Variants in ATP8B4 observed in about 807,000 individuals in gnomAD.
ATP8B4 encodes ATPase phospholipid transporting 8B4 (putative), also known as probable phospholipid-transporting ATPase IM.
A neutral mutation model predicts 145.6 loss-of-function variants in ATP8B4; 133 were observed. That is an observed-to-expected ratio of 0.91 (90% CI 0.79 to 1.05). The LOEUF (loss-of-function observed/expected upper bound fraction) is 1.05, where lower values mean the gene tolerates loss of function less well. ATP8B4 is among the 50% of genes least tolerant of loss of function. ATP8B4 has a pLI of 0.00. For synonymous variants in ATP8B4, 507 were observed against 492.9 expected, an observed-to-expected ratio of 1.03 and a Z score of -0.38; for missense variants, 1,458 against 1,425.2, an observed-to-expected ratio of 1.02 and a Z score of -0.37.
At chr15:50,121,286 T>C (rs1267966638), upstream of ATP8B4, among the ~76,000 whole-genome samples, 1 of 151,908 alleles carries the variant, frequency 6.6e-6, no homozygotes, top group Non-Finnish European at 1.5e-5. Flanking sequence ...GCAAGAAGAA[T>C]AGGTGAATTC....
intron 1 of ATP8B4, among the ~76,000 whole-genome samples, chr15:50,137,312 T>G (rs2153679465): frequency 6.6e-6 from 1 of 152,330 alleles, no homozygotes; most frequent in South Asian, 2.1e-4. Flanking sequence ...AGGAATGTTT[T>G]GAGAGAAGCT....
chr15:50,150,920 G>T (rs1415212523), intron 1 of ATP8B4, among the ~76,000 whole-genome samples: 2 of 152,120 alleles, frequency 1.3e-5, no homozygotes, highest in East Asian at 3.9e-4. Flanking sequence ...GCATTAACAG[G>T]GGTAAGAGTC....
chr15:50,080,982 G>C (rs865938708), intron 2 of ATP8B4, among the ~76,000 whole-genome samples: 1 of 152,006 alleles, frequency 6.6e-6, no homozygotes, highest in South Asian at 2.1e-4. Flanking sequence ...GCGTGGTGGC[G>C]GGCACCTCTA....
chr15:49,982,853 G>A (rs940394363), intron 10 of ATP8B4, among the ~76,000 whole-genome samples: 5 of 152,152 alleles, frequency 3.3e-5, no homozygotes, highest in Non-Finnish European at 7.3e-5. Flanking sequence ...CAGATCTGGT[G>A]TTATCATCAA....
chr15:49,993,019 T>G (rs2047155739), intron 9 of ATP8B4, among the ~76,000 whole-genome samples: 1 of 152,122 alleles, frequency 6.6e-6, no homozygotes, highest in African/African-American at 2.4e-5. Context: ...CTACTGATAT[T>G]TCATTAGGAC....
intron 24 of ATP8B4, 120 bp downstream of exon 24, chr15:49,879,256 C>A (rs2035005314): frequency 2.3e-6 from 2 of 853,680 alleles, no homozygotes; most frequent in Admixed American, 2.8e-5. Flanking sequence ...CATGCAAAAG[C>A]AACTAAAACA....
chr15:49,997,892 G>T (rs1340591472), intron 8 of ATP8B4, among the ~76,000 whole-genome samples: 1 of 152,082 alleles, frequency 6.6e-6, no homozygotes, highest in Non-Finnish European at 1.5e-5. Context: ...TTTCTAGGAC[G>T]CAGAGATGAG....
intron 14 of ATP8B4, among the ~76,000 whole-genome samples, chr15:49,943,745 A>G (rs1356107096): frequency 2.0e-5 from 3 of 152,218 alleles, no homozygotes; most frequent in Non-Finnish European, 4.4e-5. Flanking sequence ...AAATGAAAGG[A>G]TGCAAAACAG....
chr15:50,087,440 AAT>A (rs536700227), intron 2 of ATP8B4, among the ~76,000 whole-genome samples: 186 of 147,254 alleles, frequency 1.3e-3, no homozygotes, highest in African/African-American at 4.5e-3. Context: ...TTTGATACAT[AAT>A]ATATATACAC....
chr15:50,165,108 G>A (rs534491392), intron 1 of ATP8B4, among the ~76,000 whole-genome samples: 16 of 151,794 alleles, frequency 1.1e-4, no homozygotes, highest in African/African-American at 2.9e-4. Context: ...GAAGTCCAGC[G>A]GAACGATCTT....
rs1227705595 is a variant in ATP8B4, at chr15:49,858,358, T to C, written c.*1836A>G. 3 of 152,204 alleles carry C rather than the reference T, an allele frequency of 2.0e-5. No homozygotes were observed. Among genetic ancestry groups the C allele is most frequent in the Non-Finnish European group, 2.9e-5 (2 of 68,036 alleles). The allele number at this position is 152,204 out of a possible 1,614,324, so 9.4% of individuals were successfully genotyped here. A position where few individuals can be genotyped will look rare whatever the true frequency, so the allele number is the denominator to read the frequency against. On this transcript the variant is annotated 3_prime_UTR_variant, in exon 28 of 28. Coordinates refer to ENST00000284509, the MANE Select transcript of ATP8B4 (RefSeq NM_024837.4). ...CATTGAAAACCAACATCTGGTTAAG[T>C]GTAGGCAGGCATGTAAGGGAAAGAC... is the stretch of plus-strand genomic sequence containing the variant.
rs2051563984 is a variant in ATP8B4, at chr15:50,044,464, A to G, written c.300+130T>C. 1.0e-5 allele frequency: 6 copies of G among 577,154 alleles called. No homozygotes were observed. In the Admixed American group the frequency reaches 1.5e-4, roughly 14 times the overall value. 35.8% of individuals were successfully genotyped at this position (577,154 alleles called of 1,614,324 possible). ...CACCTGTATTAATCATCAAACAAAT[A>G]GTAAAATAGCTTTATATGATATTAA... is the stretch of plus-strand genomic sequence containing the variant. On this transcript the variant is annotated intron_variant, in intron 5 of 27. Coordinates refer to ENST00000284509, the MANE Select transcript of ATP8B4 (RefSeq NM_024837.4).
chr15:49,870,303 C>T (rs1425619369), intron 25 of ATP8B4, among the ~76,000 whole-genome samples: 1 of 152,018 alleles, frequency 6.6e-6, no homozygotes. Context: ...TATGCGTCGT[C>T]TCAAAGTACA....
At chr15:49,987,667 T>C (rs1396022431) in intron 9 of ATP8B4, 118 bp from the exon 10 acceptor site, 17 of 1,041,292 alleles carry the variant, frequency 1.6e-5, no homozygotes, top group Middle Eastern at 2.7e-4. Flanking sequence ...GGGTTACATA[T>C]AAAGAATTGT....
chr15:50,035,827 C>G (rs921432397), intron 6 of ATP8B4, among the ~76,000 whole-genome samples: 1 of 152,160 alleles, frequency 6.6e-6, no homozygotes, highest in African/African-American at 2.4e-5. Context: ...TGACTATACC[C>G]TGCCTCCTTC....
At chr15:49,899,466 T>C (rs372517052) in intron 21 of ATP8B4, among the ~76,000 whole-genome samples, 1 of 152,148 alleles carries the variant, frequency 6.6e-6, no homozygotes, top group Non-Finnish European at 1.5e-5. Flanking sequence ...TGTCAATGGA[T>C]GAATGGCTGG....
intron 1 of ATP8B4, among the ~76,000 whole-genome samples, chr15:50,160,705 TTTC>T (rs1567413089): frequency 6.6e-6 from 1 of 152,116 alleles, no homozygotes; most frequent in Non-Finnish European, 1.5e-5. Flanking sequence ...TTGTTACTGA[TTTC>T]TTTTTTATTC....
chr15:50,104,030 T>A (rs528958285), intron 2 of ATP8B4, among the ~76,000 whole-genome samples: 1 of 152,290 alleles, frequency 6.6e-6, no homozygotes, highest in Admixed American at 6.5e-5. Flanking sequence ...GCAAGCCACA[T>A]GTGGAAGAAT....
At chr15:50,105,567 T>C (rs1325792400) in intron 2 of ATP8B4, among the ~76,000 whole-genome samples, 1 of 152,114 alleles carries the variant, frequency 6.6e-6, no homozygotes, top group Non-Finnish European at 1.5e-5. Flanking sequence ...TACAGGATAA[T>C]TCCATTTGGG....
Sources: allele counts gnomAD v4.1 joint callset (sites outside exome capture counted in the v4.1 genomes callset), GRCh38; gene constraint gnomAD v4.1.1; transcripts MANE v1.5; gene names NCBI Gene and HGNC (gene_info 2026-07-23, HGNC 2026-07-21).